The following ACTR3C variants were observed in gnomAD, a reference collection of about 807,000 sequenced individuals.
ACTR3C encodes actin related protein 3C, also known as actin-related protein 3C.
A neutral mutation model predicts 26.3 loss-of-function variants in ACTR3C; 18 were observed. That is an observed-to-expected ratio of 0.68 (90% confidence interval 0.47 to 1.01). ACTR3C has a LOEUF of 1.01. ACTR3C is among the 50% of genes least tolerant of loss of function. The pLI, the probability that ACTR3C is intolerant of heterozygous loss-of-function variation, is 0.00. For synonymous variants in ACTR3C, 55 were observed against 94.5 expected (o/e 0.58, Z 2.42); for missense variants, 184 against 250.7 (o/e 0.73, Z 1.80).
At chr7:150,194,155 T>C in the ACTR3C span, among the ~76,000 whole-genome samples, 2 of 149,476 alleles carry the variant, frequency 1.3e-5, no homozygotes, top group Non-Finnish European at 3.0e-5. Context: ...TACATAGTAT[T>C]GTTACACCTC....
chr7:150,079,184 G>A, the ACTR3C span, among the ~76,000 whole-genome samples: 2 of 152,178 alleles, frequency 1.3e-5, no homozygotes, highest in South Asian at 2.1e-4. Flanking sequence ...AGGTGCTGCT[G>A]TAAAAAGCAT....
the ACTR3C span, among the ~76,000 whole-genome samples, chr7:150,100,424 T>A: frequency 8.6e-5 from 13 of 151,864 alleles, no homozygotes; most frequent in South Asian, 2.1e-4. Context: ...TTTGGGGGAA[T>A]CTTTATTCCA....
chr7:150,263,922 C>A (rs1351105931), intron 6 of ACTR3C, among the ~76,000 whole-genome samples: 3 of 152,278 alleles, frequency 2.0e-5, no homozygotes, highest in African/African-American at 2.4e-5. Flanking sequence ...TTCACTTAAG[C>A]AAATACTCAG....
the ACTR3C span, among the ~76,000 whole-genome samples, chr7:149,941,233 T>C: frequency 6.6e-6 from 1 of 152,158 alleles, no homozygotes; most frequent in Non-Finnish European, 1.5e-5. Flanking sequence ...AATGGAAGTT[T>C]ACACTCACTG....
chr7:150,007,375 A>G, the ACTR3C span, among the ~76,000 whole-genome samples: 1 of 152,194 alleles, frequency 6.6e-6, no homozygotes, highest in Non-Finnish European at 1.5e-5. Context: ...ATAATAAAAC[A>G]TATGGTCTTG....
chr7:150,079,985 A>G, the ACTR3C span, among the ~76,000 whole-genome samples: 1 of 152,118 alleles, frequency 6.6e-6, no homozygotes, highest in African/African-American at 2.4e-5. Context: ...GGCTATTTAA[A>G]CTCACTTGCA....
the ACTR3C span, among the ~76,000 whole-genome samples, chr7:150,012,378 G>A: frequency 1.3e-5 from 2 of 149,142 alleles, no homozygotes; most frequent in South Asian, 2.1e-4. Context: ...GCAGTGGTGC[G>A]ATCTCAGCTC....
chr7:150,042,212 C>T, the ACTR3C span, among the ~76,000 whole-genome samples: 3 of 17,926 alleles, frequency 1.7e-4, no homozygotes, highest in Admixed American at 5.5e-4. Context: ...ATGAGGGTAG[C>T]AACAGCCGGG....
At chr7:149,983,463 A>ATATATATATATATATATATATG in the ACTR3C span, among the ~76,000 whole-genome samples, 1 of 123,252 alleles carries the variant, frequency 8.1e-6, no homozygotes, top group East Asian at 2.5e-4. Flanking sequence ...ATATATATAT[A>ATATATATATATATATATATATG]TGTAGGAAAA....
the ACTR3C span, among the ~76,000 whole-genome samples, chr7:149,968,393 C>T: frequency 3.3e-5 from 5 of 152,230 alleles, no homozygotes; most frequent in Non-Finnish European, 4.4e-5. Context: ...ATTAGCCAGG[C>T]GCGGTGGCGG....
chr7:150,233,719 T>G, the ACTR3C span, among the ~76,000 whole-genome samples: 2 of 149,956 alleles, frequency 1.3e-5, no homozygotes, highest in African/African-American at 5.1e-5. Context: ...ATTACACATC[T>G]ATTTTTGCAT....
chr7:149,969,833 A>C, the ACTR3C span, among the ~76,000 whole-genome samples: 1 of 152,150 alleles, frequency 6.6e-6, no homozygotes, highest in Non-Finnish European at 1.5e-5. Flanking sequence ...TACTTTTTTA[A>C]AGTAGTGAAA....
At chr7:150,232,822 CA>C in the ACTR3C span, among the ~76,000 whole-genome samples, 11 of 149,844 alleles carry the variant, frequency 7.3e-5, no homozygotes, top group Non-Finnish European at 1.5e-5. Flanking sequence ...GACTGCAACT[CA>C]AAAAAAATAT....
At chr7:149,893,670 T>C in the ACTR3C span, among the ~76,000 whole-genome samples, 2 of 152,374 alleles carry the variant, frequency 1.3e-5, no homozygotes, top group African/African-American at 4.8e-5. Flanking sequence ...TCCACTAAAA[T>C]ATTTATTGTG....
At chr7:149,992,335 A>C in the ACTR3C span, among the ~76,000 whole-genome samples, 1 of 152,366 alleles carries the variant, frequency 6.6e-6, no homozygotes, top group East Asian at 1.9e-4. Flanking sequence ...ACCTTCTCTC[A>C]TCTTACTAAA....
rs543531006 is a variant in ACTR3C, at chr7:150,291,808, A to G, written c.153+1504T>C. Among the ~76,000 whole-genome samples, 9 of 152,106 alleles carry G rather than the reference A, an allele frequency of 5.9e-5. No individual in the cohort carries two copies. The South Asian group carries it at 1.9e-3, about 32-fold the overall frequency. ...TCGGTGAGTGCTCTGCACCCAGGGC[A>G]CTAACTCTTCTCAAGATCCACCGAA... On this transcript the variant is annotated intron_variant, in intron 3 of 7. Transcript: ENST00000683684.
the ACTR3C span, among the ~76,000 whole-genome samples, chr7:150,093,734 C>A: frequency 1.3e-5 from 2 of 150,690 alleles, no homozygotes; most frequent in African/African-American, 5.0e-5. Context: ...AAAAACTCAG[C>A]CCCCTTTCAA....
At chr7:150,271,840 T>G (rs1334700673) in intron 6 of ACTR3C, among the ~76,000 whole-genome samples, 1 of 148,564 alleles carries the variant, frequency 6.7e-6, no homozygotes, top group African/African-American at 2.6e-5. Flanking sequence ...AGTGTTACAG[T>G]AACTGAAACC....
the ACTR3C span, among the ~76,000 whole-genome samples, chr7:149,987,811 T>C: frequency 4.6e-5 from 7 of 151,770 alleles, no homozygotes; most frequent in African/African-American, 1.7e-4. Flanking sequence ...GTTCTAGACG[T>C]TTTCCTGTAT....
Sources: allele counts gnomAD v4.1 joint callset (sites outside exome capture counted in the v4.1 genomes callset), GRCh38; gene constraint gnomAD v4.1.1; transcripts MANE v1.5; gene names NCBI Gene and HGNC (gene_info 2026-07-23, HGNC 2026-07-21).